TYW1B: variants seen among roughly 807,000 people sequenced by gnomAD.
TYW1B encodes the protein tRNA-yW synthesizing protein 1 homolog B, also known as S-adenosyl-L-methionine-dependent tRNA 4-demethylwyosine synthase TYW1B.
Under a neutral mutation model 86.9 loss-of-function variants are expected in TYW1B, and 73 were observed. The observed-to-expected ratio is 0.84, with a 90% confidence interval of 0.70 to 1.02. The LOEUF (loss-of-function observed/expected upper bound fraction) is 1.02, where lower values mean the gene tolerates loss of function less well. TYW1B is among the 50% of genes least tolerant of loss of function. TYW1B has a pLI of 0.00. For missense variants in TYW1B, 637 were observed against 827.4 expected (o/e 0.77, Z 2.82); for synonymous variants, 248 against 292.8 (o/e 0.85, Z 1.56).
At chr7:72,623,057 C>T (rs541132336) in intron 12 of TYW1B, among the ~76,000 whole-genome samples, 2 of 152,086 alleles carry the variant, frequency 1.3e-5, no homozygotes, top group Non-Finnish European at 2.9e-5. Context: ...TTCCTAAATC[C>T]AATTAGGTTA....
At chr7:72,604,588 G>A (rs73702988) in intron 13 of TYW1B, among the ~76,000 whole-genome samples, 6,192 of 152,252 alleles carry the variant, frequency 0.041, 405 homozygotes, top group African/African-American at 0.14. Flanking sequence ...CGCTGTACTA[G>A]GATATTGCCA....
intron 9 of TYW1B, among the ~76,000 whole-genome samples, chr7:72,725,925 C>T (rs1284207338): frequency 1.3e-5 from 2 of 152,102 alleles, no homozygotes; most frequent in African/African-American, 4.8e-5. Flanking sequence ...TACACACACA[C>T]CCATTGGTTC....
chr7:72,598,350 C>T (rs1260684122), intron 13 of TYW1B, among the ~76,000 whole-genome samples: 4 of 151,950 alleles, frequency 2.6e-5, no homozygotes, highest in African/African-American at 9.7e-5. Flanking sequence ...ATTGTGGGAC[C>T]TTGTGATCGT....
intron 11 of TYW1B, among the ~76,000 whole-genome samples, chr7:72,640,601 C>T (rs1172917775): frequency 9.9e-5 from 15 of 151,180 alleles, no homozygotes; most frequent in African/African-American, 2.9e-4. Flanking sequence ...ATAAAAAGGC[C>T]GATTCACCAA....
chr7:72,765,177 G>A (rs782532179), intron 7 of TYW1B, among the ~76,000 whole-genome samples: 32 of 152,270 alleles, frequency 2.1e-4, no homozygotes, highest in Non-Finnish European at 3.5e-4. Context: ...TTCCTGGAAG[G>A]CTCACGATCC....
Position 72,632,266 on chromosome 7 carries a change from T to A in TYW1B, c.1507-3269A>T, listed in dbSNP as rs559913118. Among the ~76,000 whole-genome samples the A allele has an allele frequency of 6.5e-3, 651 of 99,584 alleles. 9 individuals are homozygous for A. Among genetic ancestry groups the A allele is most frequent in the African/African-American group, 0.029 (530 of 18,190 alleles). The allele number at this position is 99,584 out of a possible 152,430, so 65.3% of individuals were successfully genotyped here. On this transcript the variant is annotated intron_variant, in intron 11 of 13. Coordinates refer to ENST00000620995, the MANE Select transcript of TYW1B (RefSeq NM_001145440.3). ...AGAGCAAGACCCTGTCTCCAAAAAATATATATATATATATACGTGTATATA... is the reference window on the plus strand; with the variant it reads ...AGAGCAAGACCCTGTCTCCAAAAAAAATATATATATATATACGTGTATATA...
intron 11 of TYW1B, among the ~76,000 whole-genome samples, chr7:72,683,106 TAACTA>T (rs1813916872): frequency 6.6e-6 from 1 of 152,112 alleles, no homozygotes; most frequent in Non-Finnish European, 1.5e-5. Context: ...TATCAGAGCC[TAACTA>T]ACCAAGTGGA....
chr7:72,687,643 T>G (rs1248609110), intron 11 of TYW1B, among the ~76,000 whole-genome samples: 1 of 152,152 alleles, frequency 6.6e-6, no homozygotes, highest in Non-Finnish European at 1.5e-5. Flanking sequence ...AATCGTTTCA[T>G]TTATATAAAG....
intron 12 of TYW1B, among the ~76,000 whole-genome samples, chr7:72,622,862 CAT>C (rs571547955): frequency 1.6e-4 from 25 of 152,196 alleles, no homozygotes; most frequent in African/African-American, 6.0e-4. Flanking sequence ...CGCACTCACA[CAT>C]GTCAGGGAGA....
chr7:72,764,883 C>A (rs1168469205), intron 7 of TYW1B, among the ~76,000 whole-genome samples: 1 of 152,166 alleles, frequency 6.6e-6, no homozygotes, highest in Non-Finnish European at 1.5e-5. Context: ...CATAAGCTAT[C>A]TATAGTATAC....
At chr7:72,647,954 G>A (rs1164040135) in intron 11 of TYW1B, among the ~76,000 whole-genome samples, 1 of 151,942 alleles carries the variant, frequency 6.6e-6, no homozygotes, top group Non-Finnish European at 1.5e-5. Context: ...CCAAAATGCT[G>A]GGATTACAGG....
chr7:72,740,984 C>T (rs1204138653), intron 8 of TYW1B, among the ~76,000 whole-genome samples: 1 of 151,960 alleles, frequency 6.6e-6, no homozygotes, highest in African/African-American at 2.4e-5. Flanking sequence ...CCCACCTCGG[C>T]CTCCCAAAGT....
chr7:72,616,610 G>C, intron 13 of TYW1B, 62 bp downstream of exon 13: 2 of 1,612,506 alleles, frequency 1.2e-6, no homozygotes, highest in Non-Finnish European at 8.5e-7. Flanking sequence ...AATAAAGAGA[G>C]AAGAGAAGGA....
chr7:72,725,802 G>A (rs1786987884), intron 9 of TYW1B, among the ~76,000 whole-genome samples: 1 of 152,026 alleles, frequency 6.6e-6, no homozygotes, highest in Non-Finnish European at 1.5e-5. Flanking sequence ...AACTCACCAA[G>A]CCTCCACAAA....
At chr7:72,711,473 C>CTTTTTTTTTTTTTTTTTTT (rs59438928) in intron 10 of TYW1B, among the ~76,000 whole-genome samples, 2 of 56,948 alleles carry the variant, frequency 3.5e-5, no homozygotes, top group African/African-American at 7.3e-5. Flanking sequence ...CTCTTTAATT[C>CTTTTTTTTTTTTTTTTTTT]TTTTTTTTTT....
chr7:72,772,495 G>C (rs1219126759), intron 7 of TYW1B, among the ~76,000 whole-genome samples: 1 of 152,122 alleles, frequency 6.6e-6, no homozygotes, highest in Non-Finnish European at 1.5e-5. Flanking sequence ...GACCCAAAGA[G>C]AGAAAAATCC....
chr7:72,779,712 C>CAAAAAA (rs58301724), intron 6 of TYW1B, among the ~76,000 whole-genome samples: 33,846 of 62,532 alleles, frequency 0.54, 9,011 homozygotes, highest in Non-Finnish European at 0.64. Context: ...GACTCTGCCT[C>CAAAAAA]AAAAAAAAAA....
At chr7:72,673,037 C>T (rs1445173380) in intron 11 of TYW1B, among the ~76,000 whole-genome samples, 8 of 152,188 alleles carry the variant, frequency 5.3e-5, no homozygotes, top group South Asian at 2.1e-4. Context: ...GGTGTCGCGG[C>T]GTGCACCTGT....
At chr7:72,669,694 C>T (rs1216642552) in intron 11 of TYW1B, among the ~76,000 whole-genome samples, 2 of 151,748 alleles carry the variant, frequency 1.3e-5, no homozygotes, top group Admixed American at 6.6e-5. Context: ...TTCTTGAACC[C>T]GGGAGGCAGA....
Sources: allele counts gnomAD v4.1 joint callset (sites outside exome capture counted in the v4.1 genomes callset), GRCh38; gene constraint gnomAD v4.1.1; transcripts MANE v1.5; gene names NCBI Gene and HGNC (gene_info 2026-07-23, HGNC 2026-07-21).